The following PSD3 variants were observed in gnomAD, a reference collection of about 807,000 sequenced individuals.
The protein encoded by PSD3 is pleckstrin and Sec7 domain containing 3, also known as PH and SEC7 domain-containing protein 3.
Under a neutral mutation model 105.5 loss-of-function variants are expected in PSD3, and 49 were observed. That is an observed-to-expected ratio of 0.46 (90% CI 0.37 to 0.59). The LOEUF (loss-of-function observed/expected upper bound fraction) is 0.59, where lower values mean the gene tolerates loss of function less well. Ranked by LOEUF, PSD3 falls within the 20% of genes least tolerant of loss-of-function variation. The pLI is 0.00. For synonymous variants in PSD3, 557 were observed against 457.8 expected, an observed-to-expected ratio of 1.22 and a Z score of -2.77; for missense variants, 1,561 against 1,263.8, an observed-to-expected ratio of 1.24 and a Z score of -3.57.
chr8:18,771,274 T>G (rs985758824), intron 8 of PSD3, among the ~76,000 whole-genome samples: 3 of 147,980 alleles, frequency 2.0e-5, no homozygotes, highest in Non-Finnish European at 4.4e-5. Flanking sequence ...AGCTTGAGGG[T>G]GCAGCCCTCA....
rs1449938732 is a variant in PSD3, at chr8:18,872,016, C to A, written c.848G>T (p.Gly283Val). 8.1e-6 allele frequency: 13 copies of A among 1,614,020 alleles called. No individual in the cohort carries two copies. The highest frequency in any genetic ancestry group is 1.1e-5 in the South Asian group (1 of 91,084). ...TCCCATGGAGCTGCTTCGATCACAT[C>A]CCCCTGGGTGCTCTCTCCCAAGAGC... ...RSALGREHPG[G>V]CDRSSSMGRP... Residue 283 changes from glycine (G) to valine (V), a missense_variant, in exon 3 of 16, where the codon GGA becomes GTA. Gly to Val is a moderately radical substitution (Grantham distance 109). Coordinates refer to ENST00000327040, the MANE Select transcript of PSD3 (RefSeq NM_015310.4).
In PSD3 at chr8:18,765,356, A is replaced by G; in HGVS notation, c.2172+93T>C. 3 of 1,196,752 alleles carry G rather than the reference A, an allele frequency of 2.5e-6. No individual in the cohort carries two copies. In the Admixed American group the frequency reaches 5.5e-5, roughly 22 times the overall value. The allele number at this position is 1,196,752 out of a possible 1,614,324, so 74.1% of individuals were successfully genotyped here. On this transcript the variant is annotated intron_variant, in intron 9 of 15. Coordinates refer to ENST00000327040, the MANE Select transcript of PSD3 (RefSeq NM_015310.4). The stretch of plus-strand genomic sequence containing the variant: ...AATAAAACCAAAAGCAAAAAGCAAA[A>G]TACTTAAGTGATCCTTAGCCTACTT...
In PSD3 at chr8:18,848,195, G is replaced by T. The variant is rs78403951; in HGVS notation, c.1634+19479C>A. The stretch of plus-strand genomic sequence containing the variant: ...GTGAAGTAACTTTCTCTAAAAGAAG[G>T]CATTCACTGTTTAACCATGTTGGTG... On this transcript the variant is annotated intron_variant, in intron 4 of 15. Transcript: ENST00000327040. Among the ~76,000 whole-genome samples, 746 of 152,196 alleles carry T rather than the reference G, an allele frequency of 4.9e-3. 13 individuals are homozygous for T. Among genetic ancestry groups the T allele is most frequent in the East Asian group, 0.033 (171 of 5,184 alleles).
At chr8:18,657,114 A>G (rs17695527) in intron 9 of PSD3, among the ~76,000 whole-genome samples, 5,384 of 152,288 alleles carry the variant, frequency 0.035, 117 homozygotes, top group East Asian at 0.085. Context: ...ATGTCATCTA[A>G]CCTCTTGTCT....
At chr8:18,542,004 C>T (rs982786335) in intron 15 of PSD3, among the ~76,000 whole-genome samples, 13 of 152,188 alleles carry the variant, frequency 8.5e-5, no homozygotes, top group South Asian at 2.1e-4. Context: ...CCTCCTGCCT[C>T]GGCCTCTCAA....
intron 9 of PSD3, among the ~76,000 whole-genome samples, chr8:18,748,994 G>T (rs1254209691): frequency 1.3e-5 from 2 of 152,204 alleles, no homozygotes; most frequent in African/African-American, 4.8e-5. Context: ...CATGTGTAAC[G>T]CTACTCAGTT....
At chr8:18,857,173 G>C (rs941153825) in intron 4 of PSD3, among the ~76,000 whole-genome samples, 3 of 152,166 alleles carry the variant, frequency 2.0e-5, no homozygotes, top group African/African-American at 7.2e-5. Context: ...CAAAAGCGGA[G>C]TTACCTTTAA....
At chr8:18,654,485 T>A (rs956996074) in intron 10 of PSD3, among the ~76,000 whole-genome samples, 3 of 152,222 alleles carry the variant, frequency 2.0e-5, no homozygotes, top group Admixed American at 6.5e-5. Context: ...CCTAATTTCC[T>A]GGTAATGTGA....
At chr8:18,935,258 G>C (rs1008866938) in intron 2 of PSD3, among the ~76,000 whole-genome samples, 1 of 152,142 alleles carries the variant, frequency 6.6e-6, no homozygotes, top group Non-Finnish European at 1.5e-5. Context: ...TTGATAACTA[G>C]ATTAGGCCAA....
chr8:18,615,449 TG>T (rs1805589622), intron 11 of PSD3, among the ~76,000 whole-genome samples: 1 of 152,116 alleles, frequency 6.6e-6, no homozygotes, highest in South Asian at 2.1e-4. Context: ...CGCTCACCAT[TG>T]TTCCATCTGT....
In PSD3 at chr8:18,765,638, A is replaced by G; in HGVS notation, c.2083-100T>C. 9 of 1,075,500 alleles carry G rather than the reference A, an allele frequency of 8.4e-6. No individual in the cohort carries two copies. In the South Asian group the frequency reaches 1.2e-4, roughly 14 times the overall value. 66.6% of individuals were successfully genotyped at this position (1,075,500 alleles called of 1,614,324 possible). On this transcript the variant is annotated intron_variant, in intron 8 of 15. Transcript: ENST00000327040. ...AGACCAATAATTTGTTTCTAAAAAC[A>G]TAACTAGGCCAGGTGCGGTGGCTCA...
At chr8:18,892,280 G>GAC (rs1818843114) in intron 2 of PSD3, among the ~76,000 whole-genome samples, 2 of 151,212 alleles carry the variant, frequency 1.3e-5, no homozygotes, top group Non-Finnish European at 2.9e-5. Flanking sequence ...CTGGAGTGCA[G>GAC]TGGTGCTATC....
intron 4 of PSD3, chr8:18,865,242 A>T (rs758698559): frequency 1.3e-4 from 1 of 7,800 alleles, no homozygotes; most frequent in African/African-American, 2.0e-4. Flanking sequence ...ATATATATAT[A>T]TATATATATA....
chr8:18,652,903 T>C (rs1808618377), intron 10 of PSD3, among the ~76,000 whole-genome samples: 1 of 152,128 alleles, frequency 6.6e-6, no homozygotes, highest in Non-Finnish European at 1.5e-5. Context: ...AAAAGGTGCT[T>C]TAAGACAAAA....
At chr8:18,897,186 G>C (rs758123133) in intron 2 of PSD3, among the ~76,000 whole-genome samples, 2 of 152,082 alleles carry the variant, frequency 1.3e-5, no homozygotes, top group African/African-American at 2.4e-5. Context: ...GCATTTCCCT[G>C]ATGTTCAGTA....
At chr8:18,964,585 G>A (rs1340804087) in intron 1 of PSD3, among the ~76,000 whole-genome samples, 1 of 151,746 alleles carries the variant, frequency 6.6e-6, no homozygotes, top group African/African-American at 2.4e-5. Context: ...TCTCCTTAAA[G>A]TGTGGTCTCA....
intron 4 of PSD3, among the ~76,000 whole-genome samples, chr8:18,809,104 C>T (rs151244365): frequency 6.6e-6 from 1 of 152,162 alleles, no homozygotes; most frequent in South Asian, 2.1e-4. Flanking sequence ...GGATAACACC[C>T]CATTTTGTTT....
rs566066489 is a variant in PSD3 at position 19,039,370 on chromosome 8, A to G, written c.324+44836T>C. Among the ~76,000 whole-genome samples the G allele has an allele frequency of 2.6e-5, 4 of 152,306 alleles. No individual in the cohort carries two copies. The South Asian group carries it at 8.3e-4, about 32-fold the overall frequency. On this transcript the variant is annotated intron_variant, in intron 1 of 1. Transcript: ENST00000521475. ...CATGATATCTGTATCTGCATGTCCC[A>G]GTGACATCTCAAGCTCAGCATGTCC... is the stretch of plus-strand genomic sequence containing the variant.
At position 19,008,455 on chromosome 8, in the gene PSD3, T is replaced by C. The variant is rs571192493; in HGVS notation, c.21+5108A>G. On this transcript the variant is annotated intron_variant, in intron 1 of 15. Transcript: ENST00000327040. ...CACAGTCACGAAGACAGCAGCCATC[T>C]AATGGCATCGTCTGTGCCATCACTC... is the stretch of plus-strand genomic sequence containing the variant. Among the ~76,000 whole-genome samples, 9 of 152,312 alleles carry C rather than the reference T, an allele frequency of 5.9e-5. 1 individual carries two copies. The South Asian group carries it at 1.2e-3, about 21-fold the overall frequency.
Sources: gnomAD v4.1 joint callset for allele counts (sites outside exome capture counted in the v4.1 genomes callset) on GRCh38, gnomAD v4.1.1 for gene constraint, MANE v1.5 for transcripts, NCBI Gene and HGNC (gene_info 2026-07-23, HGNC 2026-07-21) for gene names.